Variants in GRID1 observed in about 807,000 individuals in gnomAD.
The protein encoded by GRID1 is glutamate receptor ionotropic, delta-1.
A neutral mutation model predicts 98.0 loss-of-function variants in GRID1; 28 were observed. That is an observed-to-expected ratio of 0.29 (90% confidence interval 0.21 to 0.39). The LOEUF (loss-of-function observed/expected upper bound fraction) is 0.39, where lower values mean the gene tolerates loss of function less well. Among genes scored for constraint, GRID1 ranks in the 10% least tolerant of loss-of-function variants. The probability of loss-of-function intolerance (pLI) is 1.00; values close to 1 mark genes in which losing one functional copy is unlikely to be tolerated. For missense variants in GRID1, 1,111 were observed against 1,340.5 expected (o/e 0.83, Z 2.67); for synonymous variants, 553 against 538.5 (o/e 1.03, Z -0.37).
intron 8 of GRID1, among the ~76,000 whole-genome samples, chr10:85,735,421 A>G (rs1050369055): frequency 6.6e-6 from 1 of 152,178 alleles, no homozygotes; most frequent in Admixed American, 6.5e-5. Flanking sequence ...ATGACAAACA[A>G]CTGTGCAAGA....
chr10:85,768,635 G>A (rs1842221519), intron 8 of GRID1, among the ~76,000 whole-genome samples: 1 of 152,174 alleles, frequency 6.6e-6, no homozygotes, highest in Admixed American at 6.5e-5. Flanking sequence ...CATTTGAAAA[G>A]ATACACAGCC....
intron 8 of GRID1, among the ~76,000 whole-genome samples, chr10:85,834,637 A>G (rs1322617748): frequency 3.3e-5 from 5 of 152,188 alleles, no homozygotes; most frequent in Admixed American, 3.3e-4. Flanking sequence ...TAAAAGTATG[A>G]AAGGTAAAGG....
intron 8 of GRID1, among the ~76,000 whole-genome samples, chr10:85,767,768 A>T (rs1842211847): frequency 6.6e-6 from 1 of 152,158 alleles, no homozygotes. Flanking sequence ...TCCACCTTTG[A>T]TATTTCTTTT....
intron 4 of GRID1, among the ~76,000 whole-genome samples, chr10:85,948,110 G>T (rs561991162): frequency 4.8e-4 from 73 of 152,250 alleles, no homozygotes; most frequent in African/African-American, 1.7e-3. Flanking sequence ...TAAAGTCTTG[G>T]GTTTAAATAG....
At chr10:86,077,005 A>G (rs1352250422) in intron 4 of GRID1, among the ~76,000 whole-genome samples, 5 of 137,038 alleles carry the variant, frequency 3.6e-5, no homozygotes, top group Non-Finnish European at 7.9e-5. Flanking sequence ...ATTTCCAGAT[A>G]AGGCCAAATT....
At chr10:86,273,966 T>C (rs2132063380) in intron 2 of GRID1, among the ~76,000 whole-genome samples, 2 of 152,078 alleles carry the variant, frequency 1.3e-5, no homozygotes, top group South Asian at 4.2e-4. Context: ...CTTTTGGTGT[T>C]TTAGACATGA....
At chr10:85,891,284 T>C (rs1000819420) in intron 5 of GRID1, among the ~76,000 whole-genome samples, 3 of 152,192 alleles carry the variant, frequency 2.0e-5, no homozygotes, top group African/African-American at 7.2e-5. Context: ...TTTCCAAAGA[T>C]GATTTAGAAA....
intron 4 of GRID1, among the ~76,000 whole-genome samples, chr10:85,956,519 G>A (rs1325954025): frequency 1.3e-5 from 2 of 152,166 alleles, no homozygotes; most frequent in African/African-American, 2.4e-5. Flanking sequence ...CTTTTCAAAT[G>A]GGGCAGGTGG....
chr10:85,976,314 G>C (rs533260878), intron 4 of GRID1, among the ~76,000 whole-genome samples: 1 of 152,314 alleles, frequency 6.6e-6, no homozygotes, highest in African/African-American at 2.4e-5. Context: ...CACAACTCTG[G>C]ATGGTGCTCC....
At chr10:86,297,986 G>T (rs756754769) in intron 2 of GRID1, among the ~76,000 whole-genome samples, 1 of 152,134 alleles carries the variant, frequency 6.6e-6, no homozygotes, top group Non-Finnish European at 1.5e-5. Flanking sequence ...TGATCTTTTC[G>T]AAAGCAATTT....
intron 4 of GRID1, among the ~76,000 whole-genome samples, chr10:85,979,594 T>C (rs529125591): frequency 2.0e-5 from 3 of 152,350 alleles, no homozygotes; most frequent in Admixed American, 2.0e-4. Flanking sequence ...CTCCTTTTCA[T>C]AAGGAAATAG....
chr10:86,366,029 T>G lies in GRID1; in HGVS notation c.79+285A>C, dbSNP rs140336329. Among the ~76,000 whole-genome samples the G allele has an allele frequency of 0.017, 2,565 of 151,936 alleles. 63 individuals carry two copies. Among genetic ancestry groups the G allele is most frequent in the African/African-American group, 0.054 (2,250 of 41,434 alleles). On this transcript the variant is annotated intron_variant, in intron 1 of 15. Coordinates refer to ENST00000327946, the MANE Select transcript of GRID1 (RefSeq NM_017551.3). The surrounding 1 kb of genome is among the most constrained non-coding windows in gnomAD (Gnocchi z 4.1). ...GACGGCCCCGCTAAGGGCGCGGGTCTCGACGCGCGTCCATCCCGGTGTTCC... is the reference window on the plus strand; with the variant it reads ...GACGGCCCCGCTAAGGGCGCGGGTCGCGACGCGCGTCCATCCCGGTGTTCC...
rs74436523 is a variant in GRID1, at chr10:86,172,683, G to A, written c.521-33659C>T. Among the ~76,000 whole-genome samples, 564 of 152,166 alleles carry A rather than the reference G, an allele frequency of 3.7e-3. 17 individuals are homozygous for A. In the East Asian group the frequency reaches 0.067, roughly 18 times the overall value. On this transcript the variant is annotated intron_variant, in intron 3 of 15. Transcript: ENST00000327946. Reference sequence around the variant, plus strand: ...TAGTTTCCTGTTCTCATTAATATTTGCTCATTACTTATCCATCCATCCTGC... The same window carrying A: ...TAGTTTCCTGTTCTCATTAATATTTACTCATTACTTATCCATCCATCCTGC...
intron 4 of GRID1, among the ~76,000 whole-genome samples, chr10:86,055,046 A>G (rs528831633): frequency 6.6e-6 from 1 of 152,266 alleles, no homozygotes; most frequent in East Asian, 1.9e-4. Flanking sequence ...CCATGTGGAG[A>G]AAAGCCACAT....
intron 8 of GRID1, among the ~76,000 whole-genome samples, chr10:85,816,280 T>C (rs2131747310): frequency 6.6e-6 from 1 of 152,342 alleles, no homozygotes; most frequent in East Asian, 1.9e-4. Flanking sequence ...AATCAAGATG[T>C]CCTTCAAGAG....
chr10:85,718,603 A>T (rs1351934982), intron 12 of GRID1, among the ~76,000 whole-genome samples: 2 of 152,244 alleles, frequency 1.3e-5, no homozygotes, highest in African/African-American at 4.8e-5. Context: ...CCACCCTCTG[A>T]AGCCACAGCC....
At chr10:85,633,054 C>CT (rs1842993633) in intron 13 of GRID1, among the ~76,000 whole-genome samples, 1 of 152,112 alleles carries the variant, frequency 6.6e-6, no homozygotes, top group Non-Finnish European at 1.5e-5. Context: ...AGGACATAAT[C>CT]TTGTTCCTTT....
chr10:85,833,318 C>T (rs913527432), intron 8 of GRID1, among the ~76,000 whole-genome samples: 16 of 151,840 alleles, frequency 1.1e-4, no homozygotes, highest in Non-Finnish European at 1.5e-4. Context: ...AGAAACCAGG[C>T]GGCCCAGCCT....
At chr10:86,114,174 C>T (rs1419924265) in intron 4 of GRID1, among the ~76,000 whole-genome samples, 1 of 152,038 alleles carries the variant, frequency 6.6e-6, no homozygotes, top group Non-Finnish European at 1.5e-5. Flanking sequence ...GCACAGGTGT[C>T]CACCAGACAT....
Sources: allele counts gnomAD v4.1 joint callset (sites outside exome capture counted in the v4.1 genomes callset), GRCh38; gene constraint gnomAD v4.1.1; non-coding constraint Gnocchi (gnomAD v3.1); transcripts MANE v1.5; gene names NCBI Gene and HGNC (gene_info 2026-07-23, HGNC 2026-07-21).